The following PTPRH variants were observed in gnomAD, a reference collection of about 807,000 sequenced individuals.
PTPRH encodes protein tyrosine phosphatase receptor type H, also known as receptor-type tyrosine-protein phosphatase H.
PTPRH carries 113 observed loss-of-function variants against 130.2 expected under a neutral mutation model. That is an observed-to-expected ratio of 0.87 (90% CI 0.75 to 1.01). The LOEUF (loss-of-function observed/expected upper bound fraction) is 1.01, where lower values mean the gene tolerates loss of function less well. Ranked by LOEUF, PTPRH falls within the 50% of genes least tolerant of loss-of-function variation. The pLI, the probability that PTPRH is intolerant of heterozygous loss-of-function variation, is 0.00. For missense variants in PTPRH, 1,430 were observed against 1,425.0 expected, an observed-to-expected ratio of 1.00 and a Z score of -0.06; for synonymous variants, 556 against 577.9, an observed-to-expected ratio of 0.96 and a Z score of 0.54.
At chr19:55,191,327 T>C (rs1242964433) in intron 12 of PTPRH, among the ~76,000 whole-genome samples, 174 bp downstream of exon 12, 1 of 152,212 alleles carries the variant, frequency 6.6e-6, no homozygotes. Flanking sequence ...CCCAGGCTGC[T>C]TGGGGAGTGA....
intron 7 of PTPRH, 90 bp downstream of exon 7, chr19:55,200,146 A>T: frequency 7.0e-7 from 1 of 1,436,050 alleles, no homozygotes; most frequent in Non-Finnish European, 9.6e-7. Flanking sequence ...CCTACGGACT[A>T]CAGAGCCAGA....
chr19:55,185,686 G>T (rs372351600), intron 17 of PTPRH, 24 bp from the exon 18 acceptor site: 8 of 1,611,732 alleles, frequency 5.0e-6, no homozygotes, highest in African/African-American at 4.0e-5. Flanking sequence ...GCACTCACAG[G>T]CTCTGGAGAT....
At position 55,209,344 on chromosome 19, in the gene PTPRH, C is replaced by T. The variant is rs555492570; in HGVS notation, c.51+39G>A. On this transcript the variant is annotated intron_variant, in intron 1 of 19. Transcript: ENST00000376350. This position sits in a 1 kb window ranked among gnomAD's most constrained non-coding sequence, Gnocchi z 4.1. ...CTCCTTCTCCCTCAGACCTGGGAGTCCCTGCCTTGGGAGCCCGCTCTGGGC... is the reference window on the plus strand; with the variant it reads ...CTCCTTCTCCCTCAGACCTGGGAGTTCCTGCCTTGGGAGCCCGCTCTGGGC... 7 of 1,549,578 alleles carry T rather than the reference C, an allele frequency of 4.5e-6. No homozygotes were observed. In the South Asian group the frequency reaches 7.1e-5, roughly 16 times the overall value.
rs1162922596 is a variant in PTPRH at position 55,206,701 on chromosome 19, T to C, written c.340A>G (p.Thr114Ala). The change falls in exon 3 of 20, where the codon ACT becomes GCT. Residue 114 changes from threonine to alanine, a missense_variant. Coordinates refer to ENST00000376350, the MANE Select transcript of PTPRH (RefSeq NM_002842.5). ...GGCTGCCTCTTACCTGTGGCAGTAG[T>C]GACAGTCCCCACAGAGCTATTTACT... ...DGVNSSVGTV[T>A]TATAPNPVRN... is the part of the protein sequence containing the mutation. 1 of 1,600,518 alleles carries C rather than the reference T, an allele frequency of 6.2e-7. No individual in the cohort carries two copies.
intron 10 of PTPRH, among the ~76,000 whole-genome samples, chr19:55,193,412 A>G (rs902977700): frequency 2.0e-5 from 3 of 152,118 alleles, no homozygotes; most frequent in African/African-American, 7.2e-5. Context: ...CCTGGGCAAC[A>G]GAGTGAGACC....
chr19:55,190,997 A>G (rs943575449), intron 12 of PTPRH, among the ~76,000 whole-genome samples: 17 of 152,042 alleles, frequency 1.1e-4, no homozygotes, highest in Non-Finnish European at 4.4e-5. Flanking sequence ...GCCCGCCACC[A>G]AGCCTGGCTA....
intron 10 of PTPRH, among the ~76,000 whole-genome samples, chr19:55,192,961 G>A (rs1193193019): frequency 6.6e-6 from 1 of 151,842 alleles, no homozygotes; most frequent in Non-Finnish European, 1.5e-5. Context: ...AGGCATGGTG[G>A]CTCACCCCTG....
At chr19:55,196,824 C>A in intron 9 of PTPRH, 36 bp from the exon 10 acceptor site, 2 of 1,594,146 alleles carry the variant, frequency 1.3e-6, no homozygotes, top group South Asian at 2.2e-5. Flanking sequence ...CAGTGCCATC[C>A]AAGGTGGCTT....
rs933565998 is a variant in PTPRH at position 55,181,825 on chromosome 19, G to A, written c.3277C>T (p.Pro1093Ser). 6.2e-7 allele frequency: 1 copy of A among 1,614,194 alleles called. No individual in the cohort carries two copies. The highest frequency in any genetic ancestry group is 8.5e-7 in the Non-Finnish European group (1 of 1,180,030). ...SAQAPAEKEVPYEDVENLIYE... is the reference protein window; with the variant it reads ...SAQAPAEKEVSYEDVENLIYE... ...ATGAGGTTTTCGACATCCTCATACG[G>A]GACTTCCTTCTCGGCTGGGGCCTGG... The change falls in exon 20 of 20, where the codon CCG (proline) becomes TCG (serine). Residue 1093 changes from proline (P) to serine (S), a missense_variant. Coordinates refer to ENST00000376350, the MANE Select transcript of PTPRH (RefSeq NM_002842.5).
chr19:55,206,333 T>C (rs1043017957), intron 3 of PTPRH, among the ~76,000 whole-genome samples: 2 of 151,628 alleles, frequency 1.3e-5, no homozygotes, highest in East Asian at 3.8e-4. Flanking sequence ...CTTTTCTTTT[T>C]TTTTTTTTGA....
Position 55,207,182 on chromosome 19 carries a change from T to C in PTPRH, c.69A>G (p.Thr23=). 6.2e-7 allele frequency: 1 copy of C among 1,613,380 alleles called. No individual in the cohort carries two copies. Among genetic ancestry groups the C allele is most frequent in the South Asian group, 1.1e-5 (1 of 90,986 alleles). Residue 23 remains threonine, a synonymous_variant, in exon 2 of 20, where the codon ACA becomes ACG. Transcript: ENST00000376350. ...GTCACTCACCAGGCGCCCTGGCCCC[T>C]GTCCAGCTGCACAGGCCCTGGAGGG... ...NLVLLGLCSW[T]GARAPAPNPG...
chr19:55,188,689 C>T (rs1384699326), intron 12 of PTPRH, among the ~76,000 whole-genome samples: 4 of 152,148 alleles, frequency 2.6e-5, no homozygotes, highest in South Asian at 2.1e-4. Context: ...GTCGTGGCCT[C>T]CCTGTCTGTA....
At position 55,206,936 on chromosome 19, in the gene PTPRH, G is replaced by A; in HGVS notation, c.105C>T (p.Asn35=). The A allele has an allele frequency of 3.1e-6, 5 of 1,602,696 alleles. No homozygotes were observed. The highest frequency in any genetic ancestry group is 4.3e-6 in the Non-Finnish European group (5 of 1,172,536). The stretch of plus-strand genomic sequence containing the variant: ...TGGTGGTCTGAGTCTCCACTGTCAG[G>A]TTCCTCCCTGGGTTGGGGGCTGAGA... The part of the protein sequence containing the change: ...ARAPAPNPGR[N]LTVETQTTSS... The change falls in exon 3 of 20, where the codon AAC becomes AAT. Residue 35 remains asparagine (N), a synonymous_variant. Transcript: ENST00000376350.
At position 55,207,125 on chromosome 19, in the gene PTPRH, C is replaced by T. The variant is rs568712249; in HGVS notation, c.85+41G>A. 5.6e-6 allele frequency: 9 copies of T among 1,611,184 alleles called. No homozygotes were observed. In the East Asian group the frequency reaches 2.0e-4, roughly 36 times the overall value. ...GAGGCTCACGGCAGTTGCGGTCCCA[C>T]CTCTTCGAGTGGGCAGTGAGTTCAG... On this transcript the variant is annotated intron_variant, in intron 2 of 19. Transcript: ENST00000376350.
chr19:55,195,801 G>C (rs2086664344), intron 10 of PTPRH, among the ~76,000 whole-genome samples: 1 of 152,068 alleles, frequency 6.6e-6, no homozygotes, highest in Non-Finnish European at 1.5e-5. Flanking sequence ...GAACTCCTGA[G>C]CTCAAGTGAT....
At chr19:55,189,581 G>C (rs535184851) in intron 12 of PTPRH, 3 of 423,150 alleles carry the variant, frequency 7.1e-6, no homozygotes, top group Non-Finnish European at 1.4e-5. Context: ...TCCTGGGAGC[G>C]CCTTTCCCAG....
Position 55,197,374 on chromosome 19 carries a change from T to G in PTPRH, c.1733A>C (p.Lys578Thr). 1 of 1,613,858 alleles carries G rather than the reference T, an allele frequency of 6.2e-7. No homozygotes were observed. The highest frequency in any genetic ancestry group is 1.7e-5 in the Admixed American group (1 of 60,024). Residue 578 changes from lysine to threonine, a missense_variant, in exon 9 of 20, where the codon AAG becomes ACG. By Grantham distance (78) the Lys-to-Thr change is moderately conservative. Coordinates refer to ENST00000376350, the MANE Select transcript of PTPRH (RefSeq NM_002842.5). The part of the protein sequence containing the change: ...VTDLQNETQT[K>T]NSVMLWWKAP... ...CTTCCACCACAGCATGACTGAGTTC[T>G]TAGTCTGAGTTTCATTCTGGAGATC...
At chr19:55,183,562 A>G (rs919844825) in intron 18 of PTPRH, among the ~76,000 whole-genome samples, 1 of 151,884 alleles carries the variant, frequency 6.6e-6, no homozygotes, top group African/African-American at 2.4e-5. Flanking sequence ...CATCTCCACT[A>G]AAAATACCAA....
At position 55,191,561 on chromosome 19, in the gene PTPRH, C is replaced by T. The variant is rs775924432; in HGVS notation, c.2337-13G>A. On this transcript the variant is annotated splice_polypyrimidine_tract_variant and intron_variant, in intron 11 of 19. Transcript: ENST00000376350. Reference sequence around the variant, plus strand: ...CTTCTTCTTATTCCTGGGAAAAGGACGTTAGGATGAGAGGCTCAGGGGGTG... The same window carrying T: ...CTTCTTCTTATTCCTGGGAAAAGGATGTTAGGATGAGAGGCTCAGGGGGTG... 17 of 1,614,030 alleles carry T rather than the reference C, an allele frequency of 1.1e-5. No homozygotes were observed. Among genetic ancestry groups the T allele is most frequent in the East Asian group, 2.2e-5 (1 of 44,896 alleles).
Sources: gnomAD v4.1 joint callset for allele counts (sites outside exome capture counted in the v4.1 genomes callset) on GRCh38, gnomAD v4.1.1 for gene constraint, Gnocchi (gnomAD v3.1) non-coding constraint, MANE v1.5 for transcripts, NCBI Gene and HGNC (gene_info 2026-07-23, HGNC 2026-07-21) for gene names.